Variants in RBFOX1 observed in about 807,000 individuals in gnomAD.
RBFOX1 encodes the protein RNA binding protein fox-1 homolog 1.
In RBFOX1, 8 loss-of-function variants were observed where a neutral mutation model predicts 57.7. The ratio of observed to expected loss-of-function variants is 0.14; its 90% CI spans 0.08 to 0.25. The LOEUF (loss-of-function observed/expected upper bound fraction) is 0.25. Ranked by LOEUF, RBFOX1 falls within the 10% of genes least tolerant of loss-of-function variation. The pLI is 1.00. For synonymous variants in RBFOX1, 326 were observed against 222.4 expected, an observed-to-expected ratio of 1.47 and a Z score of -4.15; for missense variants, 611 against 548.5, an observed-to-expected ratio of 1.11 and a Z score of -1.14.
chr16:5,488,092 ATGATGG>A (rs1196896846), intron 2 of RBFOX1, among the ~76,000 whole-genome samples: 2 of 149,332 alleles, frequency 1.3e-5, no homozygotes, highest in African/African-American at 5.1e-5. Flanking sequence ...GATTATGGTG[ATGATGG>A]TGATGGTGGT....
At chr16:6,538,110 A>G (rs2153828136) in intron 2 of RBFOX1, among the ~76,000 whole-genome samples, 1 of 152,248 alleles carries the variant, frequency 6.6e-6, no homozygotes, top group East Asian at 1.9e-4. Context: ...AAACTGTACA[A>G]TTCAAGGACA....
At chr16:6,871,540 C>A (rs965223047) in intron 3 of RBFOX1, among the ~76,000 whole-genome samples, 1 of 152,056 alleles carries the variant, frequency 6.6e-6, no homozygotes, top group African/African-American at 2.4e-5. Flanking sequence ...CAGAGATCAA[C>A]TCCAGTGGTT....
At chr16:5,576,955 G>A (rs1567249529) in intron 2 of RBFOX1, among the ~76,000 whole-genome samples, 1 of 152,234 alleles carries the variant, frequency 6.6e-6, no homozygotes, top group Non-Finnish European at 1.5e-5. Context: ...GAGGAGTTAA[G>A]CCGTCAATAT....
chr16:6,691,720 T>C (rs1427104329), intron 3 of RBFOX1, among the ~76,000 whole-genome samples: 1 of 152,172 alleles, frequency 6.6e-6, no homozygotes, highest in Non-Finnish European at 1.5e-5. Flanking sequence ...ACCATGGATA[T>C]GTCACCGCAC....
At chr16:7,224,272 A>C (rs772302624) in intron 4 of RBFOX1, among the ~76,000 whole-genome samples, 7 of 152,062 alleles carry the variant, frequency 4.6e-5, no homozygotes, top group Admixed American at 1.3e-4. Context: ...ACAAGCCAGC[A>C]GTTATGGACA....
chr16:7,549,392 A>G (rs1205975177), intron 5 of RBFOX1, among the ~76,000 whole-genome samples: 1 of 152,224 alleles, frequency 6.6e-6, no homozygotes, highest in Non-Finnish European at 1.5e-5. Flanking sequence ...AAGCCACTAG[A>G]AAGTTTTGAA....
chr16:6,883,006 T>A (rs1312577346), intron 3 of RBFOX1, among the ~76,000 whole-genome samples: 1 of 152,146 alleles, frequency 6.6e-6, no homozygotes, highest in East Asian at 1.9e-4. Flanking sequence ...AATTGTTAAG[T>A]CCAATCTGCA....
chr16:6,951,759 A>C (rs1271568572), intron 3 of RBFOX1, among the ~76,000 whole-genome samples: 2 of 151,994 alleles, frequency 1.3e-5, no homozygotes, highest in African/African-American at 2.4e-5. Context: ...TTTGAGATGG[A>C]GTCTCGCTCT....
chr16:6,786,890 G>A (rs752560501), intron 3 of RBFOX1, among the ~76,000 whole-genome samples: 10 of 125,084 alleles, frequency 8.0e-5, no homozygotes, highest in African/African-American at 3.0e-4. Context: ...TTGCTTAGCC[G>A]GCAGGCTTTT....
intron 3 of RBFOX1, among the ~76,000 whole-genome samples, chr16:6,737,017 G>C (rs1038436226): frequency 5.3e-5 from 8 of 152,198 alleles, no homozygotes; most frequent in Non-Finnish European, 1.2e-4. Flanking sequence ...CGTCTGAAAA[G>C]AGGAGCCTCA....
At chr16:6,282,253 T>C (rs554264317) in intron 1 of RBFOX1, among the ~76,000 whole-genome samples, 169 of 151,824 alleles carry the variant, frequency 1.1e-3, no homozygotes, top group Non-Finnish European at 1.5e-3. Flanking sequence ...AAGTGAAAAA[T>C]CTAAGGAAAA....
At chr16:5,784,297 G>T (rs1325844222) in intron 3 of RBFOX1, among the ~76,000 whole-genome samples, 1 of 152,280 alleles carries the variant, frequency 6.6e-6, no homozygotes, top group African/African-American at 2.4e-5. Context: ...CGTGGTGGCT[G>T]GCGCCTGTAG....
intron 1 of RBFOX1, among the ~76,000 whole-genome samples, chr16:5,441,180 T>A (rs973135336): frequency 3.0e-4 from 45 of 152,010 alleles, no homozygotes; most frequent in Non-Finnish European, 5.6e-4. Context: ...TATGCATAAT[T>A]TCAGTGTCAT....
At chr16:6,225,426 G>C (rs2097409066) in intron 1 of RBFOX1, among the ~76,000 whole-genome samples, 1 of 152,110 alleles carries the variant, frequency 6.6e-6, no homozygotes, top group African/African-American at 2.4e-5. Context: ...ATTGAATCAA[G>C]ATCAACCCTA....
At chr16:5,258,824 G>T (rs1023379455) in intron 1 of RBFOX1, among the ~76,000 whole-genome samples, 4 of 152,096 alleles carry the variant, frequency 2.6e-5, no homozygotes, top group Non-Finnish European at 5.9e-5. Flanking sequence ...GCTGAGGCAG[G>T]AGAATCTCTT....
At chr16:5,642,512 T>A (rs989753062) in intron 3 of RBFOX1, among the ~76,000 whole-genome samples, 1 of 152,214 alleles carries the variant, frequency 6.6e-6, no homozygotes, top group Non-Finnish European at 1.5e-5. Flanking sequence ...AATGCTGCAA[T>A]CTGAGGCTGG....
chr16:7,213,505 G>T (rs2091518138), intron 4 of RBFOX1, among the ~76,000 whole-genome samples: 1 of 151,902 alleles, frequency 6.6e-6, no homozygotes, highest in African/African-American at 2.4e-5. Context: ...TGAGTATTTA[G>T]TAAAGATGTG....
intron 1 of RBFOX1, among the ~76,000 whole-genome samples, chr16:5,305,447 TTCATC>T (rs1166712331): frequency 1.3e-5 from 2 of 152,134 alleles, no homozygotes; most frequent in South Asian, 2.1e-4. Flanking sequence ...GGGGGCTGTT[TTCATC>T]TCATCTCTAT....
At chr16:7,353,006 G>A (rs919596169) in intron 4 of RBFOX1, among the ~76,000 whole-genome samples, 2 of 152,122 alleles carry the variant, frequency 1.3e-5, no homozygotes, top group African/African-American at 4.8e-5. Context: ...ATGAGCCACT[G>A]CACCCAGCCC....
Sources: allele counts gnomAD v4.1 joint callset (sites outside exome capture counted in the v4.1 genomes callset), GRCh38; gene constraint gnomAD v4.1.1; transcripts MANE v1.5; gene names NCBI Gene and HGNC (gene_info 2026-07-23, HGNC 2026-07-21).